The following RNF152 variants were observed in gnomAD, a reference collection of about 807,000 sequenced individuals.
The protein encoded by RNF152 is ring finger protein 152.
In RNF152, 11 loss-of-function variants were observed where a neutral mutation model predicts 12.7. The ratio of observed to expected loss-of-function variants is 0.86; its 90% CI spans 0.54 to 1.43. The LOEUF (loss-of-function observed/expected upper bound fraction) is 1.43, where lower values mean the gene tolerates loss of function less well. Among genes scored for constraint, RNF152 ranks in the 40% most tolerant of loss-of-function variants. The pLI is 0.00. For synonymous variants in RNF152, 113 were observed against 120.3 expected, an observed-to-expected ratio of 0.94 and a Z score of 0.40; for missense variants, 255 against 274.8, an observed-to-expected ratio of 0.93 and a Z score of 0.51.
chr18:61,877,592 A>G (rs1011909741), intron 1 of RNF152, among the ~76,000 whole-genome samples: 2 of 152,228 alleles, frequency 1.3e-5, no homozygotes, highest in African/African-American at 4.8e-5. Context: ...CTTTCTACTG[A>G]AAGTATTTAT....
intron 1 of RNF152, among the ~76,000 whole-genome samples, chr18:61,846,020 G>A (rs1256600526): frequency 3.3e-5 from 5 of 152,112 alleles, no homozygotes; most frequent in Admixed American, 6.5e-5. Context: ...CACCATGTGA[G>A]GACACAGCAG....
upstream of RNF152, chr18:61,894,319 G>T (rs1466852818): frequency 6.6e-6 from 1 of 150,948 alleles, no homozygotes; most frequent in African/African-American, 2.4e-5. The surrounding 1 kb of genome is among the most constrained non-coding windows in gnomAD (Gnocchi z 4.9). Context: ...GCGCGGCGGC[G>T]GCGCCTGCAG....
intron 1 of RNF152, among the ~76,000 whole-genome samples, chr18:61,853,613 C>T (rs545573093): frequency 6.6e-6 from 1 of 152,198 alleles, no homozygotes; most frequent in Admixed American, 6.5e-5. Flanking sequence ...TTTTTAGCTG[C>T]CAGTGGCTGC....
At chr18:61,827,138 C>T (rs1237413323) in intron 1 of RNF152, among the ~76,000 whole-genome samples, 1 of 152,112 alleles carries the variant, frequency 6.6e-6, no homozygotes, top group Non-Finnish European at 1.5e-5. Flanking sequence ...TGATAAATTC[C>T]TCCTTATAGT....
intron 1 of RNF152, among the ~76,000 whole-genome samples, chr18:61,846,728 A>G (rs1910757319): frequency 6.6e-6 from 1 of 152,218 alleles, no homozygotes; most frequent in African/African-American, 2.4e-5. Context: ...AACATTTAGG[A>G]AAGAAGCACC....
At chr18:61,879,295 AT>A (rs201163137) in intron 1 of RNF152, among the ~76,000 whole-genome samples, 6,772 of 152,308 alleles carry the variant, frequency 0.044, 217 homozygotes, top group Middle Eastern at 0.061. Flanking sequence ...TTACATTTGC[AT>A]AGCATTTACA....
At chr18:61,883,421 A>G (rs1341296629) in intron 1 of RNF152, among the ~76,000 whole-genome samples, 1 of 152,164 alleles carries the variant, frequency 6.6e-6, no homozygotes, top group East Asian at 1.9e-4. Flanking sequence ...CAAAAAGCAG[A>G]TTCCTAAATA....
intron 1 of RNF152, among the ~76,000 whole-genome samples, chr18:61,849,822 C>T (rs1444981297): frequency 6.6e-6 from 1 of 152,170 alleles, no homozygotes; most frequent in Non-Finnish European, 1.5e-5. Flanking sequence ...CCGCCTCAGC[C>T]TCCCAAATTG....
At chr18:61,854,653 T>C (rs141635783) in intron 1 of RNF152, among the ~76,000 whole-genome samples, 10 of 152,286 alleles carry the variant, frequency 6.6e-5, no homozygotes, top group African/African-American at 2.2e-4. Flanking sequence ...GTGACTACAA[T>C]TTTCAGTTTT....
intron 1 of RNF152, among the ~76,000 whole-genome samples, chr18:61,834,534 C>T (rs1033951726): frequency 1.3e-5 from 2 of 152,206 alleles, no homozygotes; most frequent in Non-Finnish European, 2.9e-5. Flanking sequence ...TATTTACCTT[C>T]ATCTGCCTCG....
chr18:61,891,844 T>C (rs572560130), intron 1 of RNF152, among the ~76,000 whole-genome samples: 1 of 152,360 alleles, frequency 6.6e-6, no homozygotes, highest in African/African-American at 2.4e-5. Context: ...AAGGTGTTAC[T>C]GCAATGTAAA....
chr18:61,866,980 CT>C (rs1171993148), intron 1 of RNF152, among the ~76,000 whole-genome samples: 2 of 152,144 alleles, frequency 1.3e-5, no homozygotes, highest in Non-Finnish European at 2.9e-5. Context: ...TGGGAAGGGC[CT>C]TATGTGGGCT....
At chr18:61,886,380 C>T (rs1042952452) in intron 1 of RNF152, among the ~76,000 whole-genome samples, 2 of 152,196 alleles carry the variant, frequency 1.3e-5, no homozygotes, top group Non-Finnish European at 2.9e-5. Context: ...AAGCCTCATC[C>T]AGTCATCTTT....
chr18:61,828,420 T>C (rs1909771945), intron 1 of RNF152, among the ~76,000 whole-genome samples: 1 of 151,662 alleles, frequency 6.6e-6, no homozygotes, highest in South Asian at 2.1e-4. Flanking sequence ...CCCAGCTACT[T>C]TTCCAAAAAA....
chr18:61,888,642 T>G (rs1912806008), intron 1 of RNF152: 1 of 152,202 alleles, frequency 6.6e-6, no homozygotes, highest in Non-Finnish European at 1.5e-5. Context: ...ATTAAATGCA[T>G]TTTCCACTTA....
chr18:61,813,116 T>C lies in RNF152; in HGVS notation c.*2736A>G, dbSNP rs927620586. The C allele has an allele frequency of 6.6e-6, 1 of 152,206 alleles. No individual in the cohort carries two copies. Among genetic ancestry groups the C allele is most frequent in the Non-Finnish European group, 1.5e-5 (1 of 68,036 alleles). 9.4% of individuals were successfully genotyped at this position (152,206 alleles called of 1,614,324 possible). On this transcript the variant is annotated 3_prime_UTR_variant, in exon 2 of 2. Transcript: ENST00000312828. ...ATGTGCAAGTATGAATCCTGGCCTC[T>C]TGTGTCAGTGGACTTTGGTCACATG... is the stretch of plus-strand genomic sequence containing the variant.
chr18:61,854,952 T>C (rs546321549), intron 1 of RNF152, among the ~76,000 whole-genome samples: 1 of 152,354 alleles, frequency 6.6e-6, no homozygotes, highest in African/African-American at 2.4e-5. Flanking sequence ...TCACAGACTG[T>C]CTCAAATGCT....
rs1035902301 is a variant in RNF152, at chr18:61,844,166, G to A, written c.-135-27568C>T. Among the ~76,000 whole-genome samples the A allele has an allele frequency of 1.1e-4, 12 of 113,670 alleles. 1 individual carries two copies. Among genetic ancestry groups the A allele is most frequent in the Admixed American group, 3.8e-4 (4 of 10,610 alleles). The allele number at this position is 113,670 out of a possible 152,430, so 74.6% of individuals were successfully genotyped here. On this transcript the variant is annotated intron_variant, in intron 1 of 1. Transcript: ENST00000312828. ...ATTAAGAGAAAAGGAAGGAAGGGAG[G>A]AAGGGAGGAAGAGAGGAAGGAAGGA...
chr18:61,810,859 AT>A lies in RNF152; in HGVS notation c.*4992del, dbSNP rs1912947809. On this transcript the variant is annotated 3_prime_UTR_variant, in exon 2 of 2. Transcript: ENST00000312828. ...GGAAATGTCAAGGAACAGCTTCTCT[AT>A]CTAAGTCAGGGATGACAGACTGACT... The A allele has an allele frequency of 6.6e-6, 1 of 151,210 alleles. No homozygotes were observed. The highest frequency in any genetic ancestry group is 2.4e-5 in the African/African-American group (1 of 40,862). The allele number at this position is 151,210 out of a possible 1,614,324, so 9.4% of individuals were successfully genotyped here.
Sources: allele counts gnomAD v4.1 joint callset (sites outside exome capture counted in the v4.1 genomes callset), GRCh38; gene constraint gnomAD v4.1.1; non-coding constraint Gnocchi (gnomAD v3.1); transcripts MANE v1.5; gene names NCBI Gene and HGNC (gene_info 2026-07-23, HGNC 2026-07-21).